FAM174B: variants seen among roughly 807,000 people sequenced by gnomAD.
FAM174B encodes membrane protein FAM174B.
FAM174B carries 12 observed loss-of-function variants against 10.9 expected under a neutral mutation model. The ratio of observed to expected loss-of-function variants is 1.10; its 90% confidence interval spans 0.71 to 1.79. FAM174B has a LOEUF of 1.79. FAM174B is among the 40% of genes most tolerant of loss of function. The probability of loss-of-function intolerance (pLI) is 0.00; values close to 1 mark genes in which losing one functional copy is unlikely to be tolerated. For missense variants in FAM174B, 266 were observed against 233.3 expected, an observed-to-expected ratio of 1.14 and a Z score of -0.91; for synonymous variants, 132 against 115.8, an observed-to-expected ratio of 1.14 and a Z score of -0.90.
intron 2 of FAM174B, among the ~76,000 whole-genome samples, chr15:92,625,149 C>T (rs998754139): frequency 6.6e-6 from 1 of 151,506 alleles, no homozygotes; most frequent in African/African-American, 2.4e-5. Flanking sequence ...TATAGAACTC[C>T]CTCCCTCCCT....
intron 2 of FAM174B, 59 bp downstream of exon 2, chr15:92,630,155 G>T: frequency 6.3e-7 from 1 of 1,584,828 alleles, no homozygotes; most frequent in Non-Finnish European, 8.6e-7. Context: ...GCCTGACCTC[G>T]AGGTCCCACC....
At position 92,617,677 on chromosome 15, in the gene FAM174B, G is replaced by C; in HGVS notation, c.*1779C>G. On this transcript the variant is annotated 3_prime_UTR_variant, in exon 3 of 3. Transcript: ENST00000327355. ...AGCAGTTCCAGTTCAAAGGTTGAGGGGGCGAACAGCTGCGAGGTGGCCAGG... is the reference window on the plus strand; with the variant it reads ...AGCAGTTCCAGTTCAAAGGTTGAGGCGGCGAACAGCTGCGAGGTGGCCAGG... 1.5e-6 allele frequency: 1 copy of C among 681,824 alleles called. No homozygotes were observed. The highest frequency in any genetic ancestry group is 2.6e-6 in the Non-Finnish European group (1 of 377,508). 42.2% of individuals were successfully genotyped at this position (681,824 alleles called of 1,614,324 possible). A position where few individuals can be genotyped will look rare whatever the true frequency, so the allele number is the denominator to read the frequency against.
intron 1 of FAM174B, among the ~76,000 whole-genome samples, chr15:92,648,821 A>G (rs1256625733): frequency 2.0e-5 from 3 of 152,226 alleles, no homozygotes; most frequent in Admixed American, 6.5e-5. Flanking sequence ...CACCCTCAGG[A>G]AAATAAATAG....
Position 92,655,493 on chromosome 15 carries a change from C to T in FAM174B, c.167G>A (p.Arg56Gln), listed in dbSNP as rs766918123. 1.3e-6 allele frequency: 2 copies of T among 1,530,690 alleles called. No homozygotes were observed. Among genetic ancestry groups the T allele is most frequent in the South Asian group, 1.2e-5 (1 of 81,784 alleles). 94.8% of individuals were successfully genotyped at this position (1,530,690 alleles called of 1,614,324 possible). ...GCCGCCCGCCGCCCCAGACCCAAAC[C>T]GGGTGGTGTTCCCGGGCCCCGGGCC... is the stretch of plus-strand genomic sequence containing the variant. ...PPGPGPGNTT[R>Q]FGSGAAGGSG... Residue 56 changes from arginine (R) to glutamine (Q), a missense_variant, in exon 1 of 3, where the codon CGG becomes CAG. Arg to Gln is a conservative substitution (Grantham distance 43). Coordinates refer to ENST00000327355, the MANE Select transcript of FAM174B (RefSeq NM_207446.3).
At chr15:92,654,130 T>A (rs1411393890) in intron 1 of FAM174B, among the ~76,000 whole-genome samples, 1 of 152,182 alleles carries the variant, frequency 6.6e-6, no homozygotes, top group African/African-American at 2.4e-5. Context: ...CATCTAATCC[T>A]ACAGACACAG....
At chr15:92,655,282 C>CAGG in intron 1 of FAM174B, 34 bp downstream of exon 1, 1 of 1,500,450 alleles carries the variant, frequency 6.7e-7, no homozygotes, top group Non-Finnish European at 8.9e-7. Context: ...GCCCTGTCGG[C>CAGG]CGGCGGGGGA....
intron 1 of FAM174B, among the ~76,000 whole-genome samples, chr15:92,631,400 T>TTATATATTATATATAATATATTA (rs1555421158): frequency 3.2e-5 from 1 of 31,460 alleles, no homozygotes; most frequent in Non-Finnish European, 5.1e-5. Flanking sequence ...ATATATTATA[T>TTATATATTATATATAATATATTA]TATATTATAT....
At chr15:92,628,338 C>CTTTTT (rs35251307) in intron 2 of FAM174B, among the ~76,000 whole-genome samples, 6 of 84,916 alleles carry the variant, frequency 7.1e-5, no homozygotes, top group Non-Finnish European at 8.5e-5. Context: ...CTAATTTTTG[C>CTTTTT]TTTTTTTTTT....
chr15:92,619,150 A>G lies in FAM174B; in HGVS notation c.*306T>C. ...TTAAAAAAACTTCTTTAAAATCAAC[A>G]TGTTTCTACCCTTTGCTCCTTAGCA... On this transcript the variant is annotated 3_prime_UTR_variant, in exon 3 of 3. Transcript: ENST00000327355. 2.9e-6 allele frequency: 2 copies of G among 686,694 alleles called. No homozygotes were observed. The highest frequency in any genetic ancestry group is 1.5e-5 in the South Asian group (1 of 65,436). 42.5% of individuals were successfully genotyped at this position (686,694 alleles called of 1,614,324 possible).
intron 1 of FAM174B, among the ~76,000 whole-genome samples, chr15:92,652,818 G>A (rs2050975494): frequency 6.6e-6 from 1 of 152,114 alleles, no homozygotes. Context: ...AGGGAGAAAG[G>A]AAGGAGGGCC....
At chr15:92,636,332 G>C (rs184018355) in intron 1 of FAM174B, among the ~76,000 whole-genome samples, 15 of 152,140 alleles carry the variant, frequency 9.9e-5, no homozygotes, top group African/African-American at 3.6e-4. Context: ...AATAATAATA[G>C]TCCCTAAAAG....
intron 1 of FAM174B, among the ~76,000 whole-genome samples, chr15:92,651,842 A>G (rs949326280): frequency 1.5e-5 from 2 of 134,686 alleles, no homozygotes; most frequent in African/African-American, 5.3e-5. Context: ...CTTGATTAAA[A>G]GTATACATCT....
intron 1 of FAM174B, among the ~76,000 whole-genome samples, chr15:92,654,937 T>TGAGCCATTTTGCCTC (rs902213416): frequency 3.3e-5 from 5 of 152,196 alleles, no homozygotes; most frequent in Non-Finnish European, 7.3e-5. Context: ...TTACCTTAGA[T>TGAGCCATTTTGCCTC]GAGCCATTTT....
chr15:92,628,338 C>CTTTTTTTTTTTTTTTTTTTTTTTTTTTT (rs35251307), intron 2 of FAM174B, among the ~76,000 whole-genome samples: 1 of 84,918 alleles, frequency 1.2e-5, no homozygotes, highest in Non-Finnish European at 2.1e-5. Flanking sequence ...CTAATTTTTG[C>CTTTTTTTTTTTTTTTTTTTTTTTTTTTT]TTTTTTTTTT....
At chr15:92,639,633 T>TG (rs1363375251) in intron 1 of FAM174B, among the ~76,000 whole-genome samples, 1 of 152,124 alleles carries the variant, frequency 6.6e-6, no homozygotes, top group Non-Finnish European at 1.5e-5. Context: ...TGGTGGAAGG[T>TG]GACTGGATCA....
intron 1 of FAM174B, among the ~76,000 whole-genome samples, chr15:92,651,387 A>G (rs889691240): frequency 2.6e-5 from 4 of 152,356 alleles, no homozygotes; most frequent in African/African-American, 4.8e-5. Flanking sequence ...TACACACATC[A>G]TAACTACATG....
chr15:92,655,273 C>T (rs762776866), intron 1 of FAM174B, 43 bp downstream of exon 1: 29 of 1,492,710 alleles, frequency 1.9e-5, no homozygotes, highest in African/African-American at 1.4e-4. Flanking sequence ...GGCGATGCCG[C>T]CCTGTCGGCC....
At position 92,618,873 on chromosome 15, in the gene FAM174B, C is replaced by A; in HGVS notation, c.*583G>T. ...AAAAAAAAGGAAGAAAGAAAAGGAG[C>A]CACAGACGTGTCCAGGTCTGGAAGG... is the stretch of plus-strand genomic sequence containing the variant. On this transcript the variant is annotated 3_prime_UTR_variant, in exon 3 of 3. Transcript: ENST00000327355. The A allele has an allele frequency of 3.9e-6, 1 of 255,102 alleles. No individual in the cohort carries two copies. The allele number at this position is 255,102 out of a possible 1,614,324, so 15.8% of individuals were successfully genotyped here.
chr15:92,626,896 C>CA (rs1428949438), intron 2 of FAM174B, among the ~76,000 whole-genome samples: 1 of 151,880 alleles, frequency 6.6e-6, no homozygotes, highest in Admixed American at 6.6e-5. Context: ...ACTAAAAATA[C>CA]AAAAAATGAG....
Sources: gnomAD v4.1 joint callset for allele counts (sites outside exome capture counted in the v4.1 genomes callset) on GRCh38, gnomAD v4.1.1 for gene constraint, MANE v1.5 for transcripts, NCBI Gene and HGNC (gene_info 2026-07-23, HGNC 2026-07-21) for gene names.